Variants in MEMO1 observed in about 807,000 individuals in gnomAD.
The protein encoded by MEMO1 is mediator of cell motility 1, also known as protein MEMO1.
MEMO1 carries 6 observed loss-of-function variants against 45.2 expected under a neutral mutation model. The ratio of observed to expected loss-of-function variants is 0.13; its 90% CI spans 0.07 to 0.26. The LOEUF (loss-of-function observed/expected upper bound fraction) is 0.26, where lower values mean the gene tolerates loss of function less well. Ranked by LOEUF, MEMO1 falls within the 10% of genes least tolerant of loss-of-function variation. The pLI, the probability that MEMO1 is intolerant of heterozygous loss-of-function variation, is 1.00. For missense variants in MEMO1, 184 were observed against 370.5 expected (o/e 0.50, Z 4.13); for synonymous variants, 78 against 124.3 (o/e 0.63, Z 2.48).
chr2:31,902,352 C>G (rs1558489533), intron 6 of MEMO1, among the ~76,000 whole-genome samples: 1 of 151,432 alleles, frequency 6.6e-6, no homozygotes, highest in African/African-American at 2.4e-5. Context: ...GAGCCGAGAT[C>G]ATGCCACTGC....
intron 5 of MEMO1, among the ~76,000 whole-genome samples, chr2:31,918,721 C>T (rs1229310061): frequency 1.3e-5 from 2 of 151,700 alleles, no homozygotes; most frequent in Non-Finnish European, 2.9e-5. Flanking sequence ...TATTGTGGAA[C>T]AAGAAAAAGA....
rs190152149 is a variant in MEMO1, at chr2:31,883,723, T to C, written c.581-261A>G. On this transcript the variant is annotated intron_variant, in intron 7 of 9. Transcript: ENST00000404530. The stretch of plus-strand genomic sequence containing the variant: ...CCTTAAAATCACCAGAAATACAAGA[T>C]TAAGGAAACAAAATAGCTTAAAAGT... Among the ~76,000 whole-genome samples the C allele has an allele frequency of 2.8e-4, 42 of 152,144 alleles. 1 individual carries two copies. The highest frequency in any genetic ancestry group is 2.4e-3 in the Admixed American group (37 of 15,290).
chr2:31,969,557 T>C (rs1040600843), intron 2 of MEMO1, among the ~76,000 whole-genome samples: 43 of 150,802 alleles, frequency 2.9e-4, no homozygotes, highest in Admixed American at 2.7e-3. Flanking sequence ...ATCTATACTT[T>C]CTAAATCTTT....
At chr2:31,920,711 T>A in intron 5 of MEMO1, 87 bp downstream of exon 5, 1 of 661,444 alleles carries the variant, frequency 1.5e-6, no homozygotes, top group Non-Finnish European at 2.3e-6. Flanking sequence ...ATATTACTTA[T>A]GATATTCATA....
At chr2:31,973,552 G>T (rs1322661542) in intron 2 of MEMO1, among the ~76,000 whole-genome samples, 1 of 152,142 alleles carries the variant, frequency 6.6e-6, no homozygotes, top group Non-Finnish European at 1.5e-5. Context: ...CCAAAAGGTG[G>T]AACAGTCTTT....
At chr2:31,920,163 TC>T (rs200683082) in intron 5 of MEMO1, among the ~76,000 whole-genome samples, 5,258 of 148,504 alleles carry the variant, frequency 0.035, 162 homozygotes, top group East Asian at 0.094. Flanking sequence ...TTAAAATTAC[TC>T]CCCCCCCCAA....
At chr2:31,882,577 G>A (rs764603656) in intron 8 of MEMO1, among the ~76,000 whole-genome samples, 75 of 152,034 alleles carry the variant, frequency 4.9e-4, no homozygotes, top group Non-Finnish European at 8.4e-4. Flanking sequence ...GCTGGTCCAA[G>A]GAAATAATAA....
At chr2:31,900,930 C>G (rs1280393069) in intron 6 of MEMO1, among the ~76,000 whole-genome samples, 1 of 152,098 alleles carries the variant, frequency 6.6e-6, no homozygotes, top group Admixed American at 6.5e-5. Context: ...TATCATATGA[C>G]CCAACAGTTT....
intron 4 of MEMO1, among the ~76,000 whole-genome samples, chr2:31,924,761 T>G (rs1202955246): frequency 6.6e-6 from 1 of 152,222 alleles, no homozygotes; most frequent in Non-Finnish European, 1.5e-5. Context: ...TTTTCTGTCC[T>G]GCAAGGCTTG....
intron 6 of MEMO1, among the ~76,000 whole-genome samples, chr2:31,899,778 T>C (rs1678494401): frequency 6.6e-6 from 1 of 152,206 alleles, no homozygotes. Flanking sequence ...TTTTGCAATC[T>C]ATCCATCTGA....
rs145775218 is a variant in MEMO1 at position 31,931,620 on chromosome 2, T to C, written c.212+447A>G. 2.7e-3 allele frequency among the ~76,000 whole-genome samples: 402 copies of C among 151,506 alleles called. 2 individuals are homozygous for C. The highest frequency in any genetic ancestry group is 8.1e-3 in the African/African-American group (334 of 41,366). ...AAGAGTTAATATGCCTCAAACACCA[T>C]ATTAAATTCACTGTCAGATTCTAAA... On this transcript the variant is annotated intron_variant, in intron 4 of 9. Transcript: ENST00000404530.
rs754694544 is a variant in MEMO1, at chr2:31,920,812, C to T, written c.311G>A (p.Arg104His). Reference protein sequence around the residue: ...DIYRTPLYDLRIDQKIYGELW... With the variant: ...DIYRTPLYDLHIDQKIYGELW... ...TATATACTTACTCTTTTGGTCAATA[C>T]GAAGGTCATACAGAGGTGTCCTATA... is the stretch of plus-strand genomic sequence containing the variant. The change falls in exon 5 of 10, where the codon CGT becomes CAT. Residue 104 changes from arginine (R) to histidine (H), a missense_variant. Transcript: ENST00000404530. 2.3e-5 allele frequency: 36 copies of T among 1,592,104 alleles called. No individual in the cohort carries two copies. The highest frequency in any genetic ancestry group is 1.8e-4 in the East Asian group (8 of 44,200).
chr2:31,893,539 A>G (rs1305296407), intron 6 of MEMO1, among the ~76,000 whole-genome samples: 1 of 152,224 alleles, frequency 6.6e-6, no homozygotes, highest in Non-Finnish European at 1.5e-5. Context: ...TCTGTGAGTA[A>G]TTATGATATG....
At chr2:31,908,176 C>CT (rs1453481346) in intron 6 of MEMO1, among the ~76,000 whole-genome samples, 1 of 152,152 alleles carries the variant, frequency 6.6e-6, no homozygotes, top group Non-Finnish European at 1.5e-5. Flanking sequence ...TTGTAAATGT[C>CT]TACCTTTTTT....
intron 6 of MEMO1, among the ~76,000 whole-genome samples, chr2:31,897,305 G>A (rs1449064324): frequency 1.3e-5 from 2 of 152,198 alleles, no homozygotes; most frequent in African/African-American, 2.4e-5. Context: ...GGTTTTCAAA[G>A]GGAATGTTTC....
At chr2:31,877,835 A>G (rs1674778262) in intron 8 of MEMO1, among the ~76,000 whole-genome samples, 1 of 152,106 alleles carries the variant, frequency 6.6e-6, no homozygotes, top group African/African-American at 2.4e-5. Flanking sequence ...TTTCCTTTAC[A>G]TGTTACAGTT....
chr2:31,870,769 G>A (rs184464071), intron 8 of MEMO1, among the ~76,000 whole-genome samples: 1 of 152,172 alleles, frequency 6.6e-6, no homozygotes, highest in Non-Finnish European at 1.5e-5. Context: ...GTAGAGACCA[G>A]GTTTCACCAT....
At chr2:31,984,525 G>A (rs1361113620) in intron 2 of MEMO1, among the ~76,000 whole-genome samples, 2 of 152,330 alleles carry the variant, frequency 1.3e-5, no homozygotes, top group East Asian at 3.9e-4. Context: ...AAGGACATTA[G>A]TGGGCTGTGC....
At chr2:31,902,734 TTTTGTTTG>T (rs536351448) in intron 6 of MEMO1, among the ~76,000 whole-genome samples, 1 of 152,066 alleles carries the variant, frequency 6.6e-6, no homozygotes, top group Non-Finnish European at 1.5e-5. Context: ...CCCCCTCACA[TTTTGTTTG>T]TTTGTTTGTT....
Sources: gnomAD v4.1 joint callset for allele counts (sites outside exome capture counted in the v4.1 genomes callset) on GRCh38, gnomAD v4.1.1 for gene constraint, MANE v1.5 for transcripts, NCBI Gene and HGNC (gene_info 2026-07-23, HGNC 2026-07-21) for gene names.